The following OPLAH variants were observed in gnomAD, a reference collection of about 807,000 sequenced individuals.
OPLAH encodes 5-oxoprolinase.
A neutral mutation model predicts 122.8 loss-of-function variants in OPLAH; 103 were observed. That is an observed-to-expected ratio of 0.84 (90% CI 0.71 to 0.99). The LOEUF is 0.99. OPLAH is among the 50% of genes least tolerant of loss of function. The probability of loss-of-function intolerance (pLI) is 0.00; values close to 1 mark genes in which losing one functional copy is unlikely to be tolerated. For synonymous variants in OPLAH, 875 were observed against 796.0 expected (o/e 1.10, Z -1.67); for missense variants, 1,902 against 1,836.5 (o/e 1.04, Z -0.65).
chr8:144,051,524 T>C (rs934322785), intron 26 of OPLAH, 52 bp from the exon 27 acceptor site: 6 of 1,344,244 alleles, frequency 4.5e-6, no homozygotes, highest in African/African-American at 3.6e-5. Context: ...GCGTGGCCCC[T>C]CCCTGTCACC....
At position 144,057,886 on chromosome 8, in the gene OPLAH, C is replaced by A; in HGVS notation, c.1126G>T (p.Ala376Ser). The change falls in exon 9 of 27, where the codon GCC (alanine) becomes TCC (serine). Residue 376 changes from alanine (A) to serine (S), a missense_variant. This residue lies in a region of OPLAH where 1,726 missense variants were observed against 1,642.1 expected (regional missense o/e 1.05). Transcript: ENST00000618853. ...LFVVGPESAGAHPGPACYRKG... is the reference protein window; with the variant it reads ...LFVVGPESAGSHPGPACYRKG... The stretch of plus-strand genomic sequence containing the variant: ...CGGTAGCAGGCGGGTCCTGGGTGGG[C>A]TCCTGCTGACTCGGGCCCAACCACA... 1 of 1,612,042 alleles carries A rather than the reference C, an allele frequency of 6.2e-7. No homozygotes were observed. Among genetic ancestry groups the A allele is most frequent in the Non-Finnish European group, 8.5e-7 (1 of 1,179,600 alleles).
Position 144,052,546 on chromosome 8 carries a change from G to C in OPLAH, c.3206C>G (p.Pro1069Arg), listed in dbSNP as rs375995600. 3.9e-5 allele frequency: 62 copies of C among 1,595,712 alleles called. No homozygotes were observed. The highest frequency in any genetic ancestry group is 5.0e-5 in the Non-Finnish European group (59 of 1,177,216). The change falls in exon 23 of 27, where the codon CCG (proline) becomes CGG (arginine). Residue 1069 changes from proline (P) to arginine (R), a missense_variant. By Grantham distance (103) the Pro-to-Arg change is moderately radical. Coordinates refer to ENST00000618853, the MANE Select transcript of OPLAH (RefSeq NM_017570.5). ...GCCCACCACCGCCGCCTCGGGCGAC[G>C]GGTCCAGGATGGAGCCTCGGGGAAT... Reference protein sequence around the residue: ...VVIPRGSILDPSPEAAVVGGN... With the variant: ...VVIPRGSILDRSPEAAVVGGN...
At chr8:144,051,687 G>C in intron 26 of OPLAH, 42 bp downstream of exon 26, 3 of 1,445,086 alleles carry the variant, frequency 2.1e-6, no homozygotes, top group African/African-American at 2.8e-5. Flanking sequence ...GGGCCGGGAG[G>C]GGAGGGGAGG....
Position 144,054,755 on chromosome 8 carries a change from G to A in OPLAH, c.2512-20C>T, listed in dbSNP as rs782368652. 9.3e-6 allele frequency: 15 copies of A among 1,611,928 alleles called. No individual in the cohort carries two copies. Among genetic ancestry groups the A allele is most frequent in the African/African-American group, 5.3e-5 (4 of 74,876 alleles). On this transcript the variant is annotated intron_variant, in intron 18 of 26. Transcript: ENST00000618853. ...AAACACCTAGCGGGTGGAGAGCCAC[G>A]GTCAGCTGCATCGGCCACCACTGCC...
rs182172563 is a variant in OPLAH at position 144,053,358 on chromosome 8, G to A, written c.2722C>T (p.Pro908Ser). 6.8e-4 allele frequency: 1,089 copies of A among 1,612,558 alleles called. 9 individuals are homozygous for A. In the African/African-American group the frequency reaches 0.013, roughly 20 times the overall value. The part of the protein sequence containing the change: ...TEALRAPGKV[P>S]NCSGTRNLHD... ...AGGTTTCTGGTTCCGCTGCAGTTGG[G>A]GACCTTGCCTGGCGCCCGCAGGGCC... is the stretch of plus-strand genomic sequence containing the variant. The change falls in exon 20 of 27, where the codon CCC becomes TCC. Residue 908 changes from proline (P) to serine (S), a missense_variant. Physicochemically the swap from Pro to Ser is moderately conservative, Grantham distance 74. Around this residue, in one of 3 missense-constraint regions of OPLAH, gnomAD observed 1,726 missense variants for 1,642.1 expected, o/e 1.05. Transcript: ENST00000618853.
rs1428890538 is a variant in OPLAH, at chr8:144,057,047, G to A, written c.1607C>T (p.Ser536Phe). ...DVVHEAQEPC[S>F]LLYAPETFVQ... The stretch of plus-strand genomic sequence containing the variant: ...GAAGGTCTCAGGCGCGTAGAGCAGG[G>A]AGCAGGGTTCCTGTGCCTCATGCAC... Residue 536 changes from serine to phenylalanine, a missense_variant, in exon 12 of 27, where the codon TCC becomes TTC. Ser to Phe is a radical substitution (Grantham distance 155). Around this residue, in one of 3 missense-constraint regions of OPLAH, gnomAD observed 1,726 missense variants for 1,642.1 expected, o/e 1.05. Transcript: ENST00000618853. The A allele has an allele frequency of 1.1e-5, 17 of 1,601,686 alleles. No homozygotes were observed. Among genetic ancestry groups the A allele is most frequent in the Non-Finnish European group, 1.4e-5 (17 of 1,175,288 alleles).
In OPLAH at chr8:144,056,861, C is replaced by T. The variant is rs1487838904; in HGVS notation, c.1706+87G>A. On this transcript the variant is annotated intron_variant, in intron 12 of 26. Coordinates refer to ENST00000618853, the MANE Select transcript of OPLAH (RefSeq NM_017570.5). ...TTCTGCTTCTCGCACACCCCGGGAC[C>T]ACCTGGGAAGTCATCAGGAGGAACA... 2.0e-6 allele frequency: 3 copies of T among 1,514,664 alleles called. No homozygotes were observed. The African/African-American group carries it at 4.1e-5, about 21-fold the overall frequency. The allele number at this position is 1,514,664 out of a possible 1,614,324, so 93.8% of individuals were successfully genotyped here. A position where few individuals can be genotyped will look rare whatever the true frequency, so the allele number is the denominator to read the frequency against.
rs199637410 is a variant in OPLAH, at chr8:144,059,704, G to A, written c.258C>T (p.Asn86=). 2.6e-5 allele frequency: 42 copies of A among 1,611,812 alleles called. No homozygotes were observed. The highest frequency in any genetic ancestry group is 3.3e-4 in the Middle Eastern group (2 of 6,084). ...SIRMGTTVAT[N]ALLERKGERV... ...GCTCCCCCTTCCGCTCCAGCAGTGCGTTGGTGGCCACTGTGGTGCCCATGC... is the reference window on the plus strand; with the variant it reads ...GCTCCCCCTTCCGCTCCAGCAGTGCATTGGTGGCCACTGTGGTGCCCATGC... Residue 86 remains asparagine, a synonymous_variant, in exon 3 of 27, where the codon AAC becomes AAT. Transcript: ENST00000618853.
At chr8:144,056,071 G>A in intron 15 of OPLAH, 76 bp downstream of exon 15, 2 of 1,536,518 alleles carry the variant, frequency 1.3e-6, no homozygotes, top group Non-Finnish European at 1.8e-6. Context: ...CTGCAGCCTT[G>A]GGCCAGAGAA....
At position 144,060,070 on chromosome 8, in the gene OPLAH, G is replaced by T; in HGVS notation, c.-38C>A. The T allele has an allele frequency of 6.3e-7, 1 of 1,589,660 alleles. No homozygotes were observed. The highest frequency in any genetic ancestry group is 8.6e-7 in the Non-Finnish European group (1 of 1,167,732). ...GGAGTCCCACAGGAGCTCTTCAGCT[G>T]GTAGCCCTGGAAAAACTGGACGGAG... On this transcript the variant is annotated 5_prime_UTR_variant, in exon 2 of 27. Transcript: ENST00000618853.
rs142819774 is a variant in OPLAH at position 144,058,227 on chromosome 8, C to T, written c.949+12G>A. 505 of 1,605,322 alleles carry T rather than the reference C, an allele frequency of 3.1e-4. 7 individuals are homozygous for T. In the African/African-American group the frequency reaches 5.0e-3, roughly 16 times the overall value. ...TGAGCCTCCCCGAGACCCCAGCCCT[C>T]GGCCCTCATACCTCCCATGTCAAAG... On this transcript the variant is annotated intron_variant, in intron 7 of 26. Transcript: ENST00000618853.
chr8:144,055,269 C>A lies in OPLAH; in HGVS notation c.2249-80G>T. ...CAGGAAAGGGAGGAACAGGACCCAC[C>A]AGGACTCAAACCCAGGACCCAGGAA... On this transcript the variant is annotated intron_variant, in intron 16 of 26. Coordinates refer to ENST00000618853, the MANE Select transcript of OPLAH (RefSeq NM_017570.5). This position sits in a 1 kb window ranked among gnomAD's most constrained non-coding sequence, Gnocchi z 6.5. The A allele has an allele frequency of 7.1e-7, 1 of 1,407,752 alleles. No homozygotes were observed. The allele number at this position is 1,407,752 out of a possible 1,614,324, so 87.2% of individuals were successfully genotyped here. A position where few individuals can be genotyped will look rare whatever the true frequency, so the allele number is the denominator to read the frequency against.
intron 1 of OPLAH, among the ~76,000 whole-genome samples, 159 bp from the exon 2 acceptor site, chr8:144,060,244 C>A (rs1587569648): frequency 6.6e-6 from 1 of 152,254 alleles, no homozygotes; most frequent in South Asian, 2.1e-4. Flanking sequence ...TGGGCCCGAG[C>A]GAGAGCCTGG....
chr8:144,056,576 G>A (rs1587559925), intron 13 of OPLAH, 42 bp downstream of exon 13: 1 of 1,612,302 alleles, frequency 6.2e-7, no homozygotes, highest in Non-Finnish European at 8.5e-7. Flanking sequence ...GGCCAGACAG[G>A]AGGGCCCCTT....
Position 144,051,484 on chromosome 8 carries a change from G to C in OPLAH, c.3721-12C>G, listed in dbSNP as rs781806067. 8.8e-6 allele frequency: 13 copies of C among 1,471,028 alleles called. No homozygotes were observed. Among genetic ancestry groups the C allele is most frequent in the Admixed American group, 4.6e-5 (2 of 43,896 alleles). The allele number at this position is 1,471,028 out of a possible 1,614,324, so 91.1% of individuals were successfully genotyped here. On this transcript the variant is annotated splice_polypyrimidine_tract_variant and intron_variant, in intron 26 of 26. Coordinates refer to ENST00000618853, the MANE Select transcript of OPLAH (RefSeq NM_017570.5). ...AGACAGAACACATCCTGTTGGCGCG[G>C]GGGGGGGCGGGGAGGCGGGCTCAGT...
At chr8:144,052,373 C>T in intron 23 of OPLAH, 47 bp from the exon 24 acceptor site, 1 of 1,511,220 alleles carries the variant, frequency 6.6e-7, no homozygotes, top group Non-Finnish European at 8.8e-7. Flanking sequence ...CAGGGCGTCC[C>T]CACCTCGCCC....
Position 144,058,613 on chromosome 8 carries a change from G to A in OPLAH, c.666C>T (p.Ala222=), listed in dbSNP as rs1835590481. The change falls in exon 6 of 27, where the codon GCC becomes GCT. Residue 222 remains alanine, a synonymous_variant. Coordinates refer to ENST00000618853, the MANE Select transcript of OPLAH (RefSeq NM_017570.5). ...GAGGGACGATGCGCACCATGGGCAT[G>A]GCCTCCGAGGACAGTGACACGTGCG... The part of the protein sequence containing the change: ...GFTHVSLSSE[A]MPMVRIVPRG... 1 of 1,603,192 alleles carries A rather than the reference G, an allele frequency of 6.2e-7. No individual in the cohort carries two copies. The highest frequency in any genetic ancestry group is 8.5e-7 in the Non-Finnish European group (1 of 1,179,294).
Position 144,053,219 on chromosome 8 carries a change from C to A in OPLAH, c.2861G>T (p.Gly954Val), listed in dbSNP as rs1424690726. ...TGTGCCCAGGCCCACCTGAATATGG[C>A]CCATGTAGGCCTGCACCACGTCCAG... is the stretch of plus-strand genomic sequence containing the variant. ...YGLDVVQAYM[G>V]HIQANAELAV... is the part of the protein sequence containing the mutation. The change falls in exon 20 of 27, where the codon GGC (glycine) becomes GTC (valine). Residue 954 changes from glycine to valine, a missense_variant. Gly to Val is a moderately radical substitution (Grantham distance 109, BLOSUM62 -3). Coordinates refer to ENST00000618853, the MANE Select transcript of OPLAH (RefSeq NM_017570.5). 5 of 1,612,432 alleles carry A rather than the reference C, an allele frequency of 3.1e-6. No individual in the cohort carries two copies. Among genetic ancestry groups the A allele is most frequent in the African/African-American group, 1.3e-5 (1 of 74,918 alleles).
At chr8:144,056,818 G>A (rs1835528459) in intron 12 of OPLAH, 63 bp from the exon 13 acceptor site, 15 of 1,532,166 alleles carry the variant, frequency 9.8e-6, no homozygotes, top group South Asian at 1.3e-5. Context: ...CCCACCCAGC[G>A]CCCGGCAAGG....
Sources: gnomAD v4.1 joint callset for allele counts (sites outside exome capture counted in the v4.1 genomes callset) on GRCh38, gnomAD v4.1.1 for gene constraint, gnomAD v4.1.1 regional missense constraint, Gnocchi (gnomAD v3.1) non-coding constraint, MANE v1.5 for transcripts, NCBI Gene and HGNC (gene_info 2026-07-23, HGNC 2026-07-21) for gene names.